The following RABEPK variants were observed in gnomAD, a reference collection of about 807,000 sequenced individuals.
The protein encoded by RABEPK is Rab9 effector protein with kelch motifs.
RABEPK carries 27 observed loss-of-function variants against 34.1 expected under a neutral mutation model. That is an observed-to-expected ratio of 0.79 (90% CI 0.58 to 1.09). RABEPK has a LOEUF of 1.09. Among genes scored for constraint, RABEPK ranks in the 50% least tolerant of loss-of-function variants. The pLI, the probability that RABEPK is intolerant of heterozygous loss-of-function variation, is 0.00. For synonymous variants in RABEPK, 172 were observed against 169.2 expected (o/e 1.02, Z -0.13); for missense variants, 449 against 462.6 (o/e 0.97, Z 0.27).
chr9:125,220,810 C>G (rs1232306325), intron 5 of RABEPK, 110 bp downstream of exon 5: 9 of 1,318,422 alleles, frequency 6.8e-6, no homozygotes, highest in Non-Finnish European at 8.1e-6. Flanking sequence ...TGTCTCACTT[C>G]TAGACTTCTT....
chr9:125,205,382 C>T (rs1451854282), intron 2 of RABEPK, among the ~76,000 whole-genome samples: 1 of 152,198 alleles, frequency 6.6e-6, no homozygotes, highest in African/African-American at 2.4e-5. Context: ...TTATATCCAC[C>T]ATCTCTGGAT....
rs1435130784 is a variant in RABEPK at position 125,232,591 on chromosome 9, G to T, written c.677-5G>T. 11 of 1,610,150 alleles carry T rather than the reference G, an allele frequency of 6.8e-6. No individual in the cohort carries two copies. The highest frequency in any genetic ancestry group is 3.4e-5 in the Admixed American group (2 of 59,294). Reference sequence around the variant, plus strand: ...TGCGCCAAAGCTCTTTCTTTCTCTTGGCAGGTGACATGAAATGGCAGAAGC... The same window carrying T: ...TGCGCCAAAGCTCTTTCTTTCTCTTTGCAGGTGACATGAAATGGCAGAAGC... On this transcript the variant is annotated splice_region_variant and splice_polypyrimidine_tract_variant and intron_variant, in intron 6 of 7. Coordinates refer to ENST00000373538, the MANE Select transcript of RABEPK (RefSeq NM_005833.4).
intron 4 of RABEPK, among the ~76,000 whole-genome samples, chr9:125,218,599 A>G (rs562655404): frequency 9.0e-6 from 1 of 111,526 alleles, no homozygotes; most frequent in Non-Finnish European, 2.0e-5. Context: ...CTATACATCT[A>G]TCTAGGTGGT....
At chr9:125,212,949 T>C (rs926013000) in intron 3 of RABEPK, among the ~76,000 whole-genome samples, 1 of 152,092 alleles carries the variant, frequency 6.6e-6, no homozygotes, top group Non-Finnish European at 1.5e-5. Flanking sequence ...ATTACAGGCG[T>C]GAGCCACTGC....
chr9:125,227,826 GA>G, intron 5 of RABEPK, 83 bp from the exon 6 acceptor site: 1 of 1,333,724 alleles, frequency 7.5e-7, no homozygotes, highest in Non-Finnish European at 1.0e-6. Flanking sequence ...CGCTTGCTAG[GA>G]GGTGCTACAG....
intron 3 of RABEPK, among the ~76,000 whole-genome samples, chr9:125,209,333 A>G (rs1164818410): frequency 1.3e-5 from 2 of 150,404 alleles, no homozygotes. Flanking sequence ...TGCTGGGATT[A>G]TGCATGTGAG....
intron 5 of RABEPK, among the ~76,000 whole-genome samples, chr9:125,227,589 AT>A (rs575182409): frequency 1.8e-3 from 260 of 144,258 alleles, no homozygotes; most frequent in Admixed American, 1.9e-3. Flanking sequence ...CACCTGGCTA[AT>A]TTTTTTTTTT....
chr9:125,224,935 T>G (rs1046233850), intron 5 of RABEPK, among the ~76,000 whole-genome samples: 9 of 152,130 alleles, frequency 5.9e-5, no homozygotes, highest in African/African-American at 2.2e-4. Context: ...ACTAGTCTGT[T>G]TTTTTCCCCA....
chr9:125,223,437 CAG>C (rs1030429307), intron 5 of RABEPK, among the ~76,000 whole-genome samples: 1 of 152,024 alleles, frequency 6.6e-6, no homozygotes, highest in African/African-American at 2.4e-5. Context: ...GCCTGGGTGA[CAG>C]AGCAAGGCTC....
chr9:125,205,086 G>T (rs1235946220), intron 2 of RABEPK, among the ~76,000 whole-genome samples: 1 of 151,956 alleles, frequency 6.6e-6, no homozygotes, highest in South Asian at 2.1e-4. Flanking sequence ...GCCTCCCAAA[G>T]TGCTGAGATT....
chr9:125,219,993 CTCTTTTTTTTCT>C (rs1355131695), intron 4 of RABEPK, among the ~76,000 whole-genome samples: 1 of 151,682 alleles, frequency 6.6e-6, no homozygotes, highest in Non-Finnish European at 1.5e-5. Context: ...ACAAATTGAC[CTCTTTTTTTTCT>C]TCTTTTTTTT....
At chr9:125,222,964 C>T (rs1831457562) in intron 5 of RABEPK, among the ~76,000 whole-genome samples, 1 of 151,956 alleles carries the variant, frequency 6.6e-6, no homozygotes, top group South Asian at 2.1e-4. Flanking sequence ...TGAGCCACAC[C>T]ACCCGGCCTT....
intron 4 of RABEPK, among the ~76,000 whole-genome samples, chr9:125,215,549 C>T (rs1345548857): frequency 1.3e-5 from 2 of 151,904 alleles, no homozygotes; most frequent in African/African-American, 4.8e-5. Context: ...TGGGCTCAAG[C>T]AATTTTCCTG....
intron 7 of RABEPK, 95 bp from the exon 8 acceptor site, chr9:125,233,593 C>T (rs543616187): frequency 1.5e-5 from 20 of 1,304,926 alleles, no homozygotes; most frequent in South Asian, 1.5e-4. Flanking sequence ...CCACCCGCTT[C>T]GGCCTCCCAA....
chr9:125,209,062 T>TC (rs199782015), intron 3 of RABEPK, among the ~76,000 whole-genome samples: 33,056 of 149,256 alleles, frequency 0.22, 4,356 homozygotes, highest in Non-Finnish European at 0.3. Context: ...CCTCCCTTTT[T>TC]TTTTTTTTTT....
At chr9:125,226,903 C>T (rs1393080517) in intron 5 of RABEPK, among the ~76,000 whole-genome samples, 2 of 148,898 alleles carry the variant, frequency 1.3e-5, no homozygotes, top group East Asian at 2.0e-4. Flanking sequence ...GGCGTGGTGA[C>T]TCACGCCTGT....
At chr9:125,207,830 G>A in intron 3 of RABEPK, 109 bp downstream of exon 3, 2 of 1,386,608 alleles carry the variant, frequency 1.4e-6, no homozygotes, top group Admixed American at 2.0e-5. Context: ...TTTCCTATAA[G>A]AAAACATGGC....
chr9:125,205,813 G>A (rs1024598767), intron 2 of RABEPK, among the ~76,000 whole-genome samples: 4 of 152,180 alleles, frequency 2.6e-5, no homozygotes, highest in African/African-American at 9.7e-5. Context: ...TGTAGATTAA[G>A]TGACATCAGA....
At position 125,216,966 on chromosome 9, in the gene RABEPK, CAAAA is replaced by C. The variant is rs564126096; in HGVS notation, c.364+3457_364+3460del. On this transcript the variant is annotated intron_variant, in intron 4 of 7. Transcript: ENST00000373538. Reference sequence around the variant, plus strand: ...TGGGTGACAGAGTGAGACACCGTCTCAAAAAAAAAAAAAAAAGAAGAAAGTGATA... The same window carrying C: ...TGGGTGACAGAGTGAGACACCGTCTCAAAAAAAAAAAAGAAGAAAGTGATA... Among the ~76,000 whole-genome samples the C allele has an allele frequency of 1.7e-4, 12 of 72,348 alleles. No individual in the cohort carries two copies. In the East Asian group the frequency reaches 3.2e-3, roughly 19 times the overall value. 47.5% of individuals were successfully genotyped at this position (72,348 alleles called of 152,430 possible). A position where few individuals can be genotyped will look rare whatever the true frequency, so the allele number is the denominator to read the frequency against.
Sources: gnomAD v4.1 joint callset for allele counts (sites outside exome capture counted in the v4.1 genomes callset) on GRCh38, gnomAD v4.1.1 for gene constraint, MANE v1.5 for transcripts, NCBI Gene and HGNC (gene_info 2026-07-23, HGNC 2026-07-21) for gene names.